Variants in RANBP17 observed in about 807,000 individuals in gnomAD.
The protein encoded by RANBP17 is ran-binding protein 17.
In RANBP17, 158 loss-of-function variants were observed where a neutral mutation model predicts 141.2. The ratio of observed to expected loss-of-function variants is 1.12; its 90% CI spans 0.98 to 1.28. The LOEUF (loss-of-function observed/expected upper bound fraction) is 1.28, where lower values mean the gene tolerates loss of function less well. Among genes scored for constraint, RANBP17 ranks in the 50% most tolerant of loss-of-function variants. The pLI is 0.00. For synonymous variants in RANBP17, 430 were observed against 450.0 expected (o/e 0.96, Z 0.56); for missense variants, 1,438 against 1,290.7 (o/e 1.11, Z -1.75).
At chr5:170,881,698 G>T in intron 2 of RANBP17, 108 bp from the exon 3 acceptor site, 4 of 736,570 alleles carry the variant, frequency 5.4e-6, no homozygotes, top group Non-Finnish European at 8.4e-6. Flanking sequence ...AAATTTGCCA[G>T]TTTGGAAAAC....
intron 1 of RANBP17, among the ~76,000 whole-genome samples, chr5:170,863,856 A>T (rs371005831): frequency 1.3e-4 from 19 of 150,818 alleles, no homozygotes; most frequent in African/African-American, 4.3e-4. Flanking sequence ...ACATTCCAAC[A>T]TAAGTACTTC....
chr5:171,003,012 T>C (rs1203494101), intron 14 of RANBP17, among the ~76,000 whole-genome samples: 1 of 151,910 alleles, frequency 6.6e-6, no homozygotes, highest in African/African-American at 2.4e-5. Flanking sequence ...GAAAATAGAT[T>C]TTGGAAGTTA....
chr5:170,923,381 C>T (rs887925107), intron 11 of RANBP17, among the ~76,000 whole-genome samples: 1 of 152,196 alleles, frequency 6.6e-6, no homozygotes, highest in African/African-American at 2.4e-5. Context: ...CACCAGTACC[C>T]TGTCTTGATT....
Position 170,955,648 on chromosome 5 carries a change from G to GTGTGTATA in RANBP17, c.1574+1947_1574+1948insGTGTATAT, listed in dbSNP as rs1242245418. Among the ~76,000 whole-genome samples the GTGTGTATA allele has an allele frequency of 3.7e-4, 8 of 21,762 alleles. 2 individuals carry two copies. Among genetic ancestry groups the GTGTGTATA allele is most frequent in the African/African-American group, 1.2e-3 (8 of 6,770 alleles). The allele number at this position is 21,762 out of a possible 152,430, so 14.3% of individuals were successfully genotyped here. On this transcript the variant is annotated intron_variant, in intron 13 of 27. Coordinates refer to ENST00000523189, the MANE Select transcript of RANBP17 (RefSeq NM_022897.5). ...ATATATATATATATATATGCTCAGT[G>GTGTGTATA]TATATATATATATATATATATATAT...
chr5:171,258,261 C>T (rs754523613), intron 24 of RANBP17, among the ~76,000 whole-genome samples: 5 of 151,924 alleles, frequency 3.3e-5, no homozygotes, highest in Non-Finnish European at 5.9e-5. Flanking sequence ...AATGGAAAAA[C>T]ATCCTATGCT....
intron 13 of RANBP17, among the ~76,000 whole-genome samples, chr5:170,955,190 A>C (rs1028765115): frequency 6.6e-6 from 1 of 152,118 alleles, no homozygotes; most frequent in Non-Finnish European, 1.5e-5. Flanking sequence ...GTTGGGGACC[A>C]CTGTGCTGAA....
intron 14 of RANBP17, among the ~76,000 whole-genome samples, chr5:171,073,040 G>A (rs914654251): frequency 6.6e-6 from 1 of 151,986 alleles, no homozygotes; most frequent in African/African-American, 2.4e-5. Context: ...CAGATAGGTG[G>A]TTACCAGGAG....
intron 14 of RANBP17, among the ~76,000 whole-genome samples, chr5:171,060,531 T>A (rs184730056): frequency 0.017 from 2,568 of 152,292 alleles, 64 homozygotes; most frequent in African/African-American, 0.058. Context: ...TCATGGTGGA[T>A]AAGCTTTTTG....
chr5:171,029,587 A>G (rs1781431302), intron 14 of RANBP17, among the ~76,000 whole-genome samples: 1 of 152,092 alleles, frequency 6.6e-6, no homozygotes, highest in African/African-American at 2.4e-5. Flanking sequence ...CCTGTTCTGT[A>G]TCCCACTTCT....
intron 14 of RANBP17, among the ~76,000 whole-genome samples, chr5:171,035,959 TC>T (rs1327806629): frequency 1.2e-4 from 18 of 152,166 alleles, no homozygotes; most frequent in African/African-American, 4.3e-4. Context: ...AGTGTTGTGA[TC>T]TCAGCTTACT....
intron 11 of RANBP17, among the ~76,000 whole-genome samples, chr5:170,920,677 C>T (rs1174541400): frequency 1.3e-5 from 2 of 151,974 alleles, no homozygotes; most frequent in African/African-American, 4.8e-5. Flanking sequence ...GCCACGTTGT[C>T]TTCTACAATG....
At chr5:170,983,586 A>C (rs529999614) in intron 14 of RANBP17, among the ~76,000 whole-genome samples, 1 of 152,330 alleles carries the variant, frequency 6.6e-6, no homozygotes, top group South Asian at 2.1e-4. Context: ...GAAAATAGTA[A>C]AAGAAATAGC....
chr5:170,907,127 G>T (rs1000849986), intron 5 of RANBP17, among the ~76,000 whole-genome samples: 1 of 151,848 alleles, frequency 6.6e-6, no homozygotes, highest in African/African-American at 2.4e-5. Flanking sequence ...TGTCTCTTAA[G>T]AAAAAGAACT....
intron 3 of RANBP17, among the ~76,000 whole-genome samples, chr5:170,887,174 G>A (rs1769235104): frequency 6.6e-6 from 1 of 152,110 alleles, no homozygotes; most frequent in Non-Finnish European, 1.5e-5. Context: ...AGTTCTTTGT[G>A]CAGTTTGGAA....
intron 14 of RANBP17, among the ~76,000 whole-genome samples, chr5:171,137,913 A>G (rs1757423965): frequency 6.7e-6 from 1 of 149,834 alleles, no homozygotes; most frequent in African/African-American, 2.4e-5. Flanking sequence ...AAGTAAATAT[A>G]TATCTACTCT....
intron 14 of RANBP17, among the ~76,000 whole-genome samples, chr5:171,130,843 A>G (rs1486802850): frequency 1.3e-5 from 2 of 152,212 alleles, no homozygotes; most frequent in Non-Finnish European, 2.9e-5. Flanking sequence ...TATGTTGTGA[A>G]GATGAAAAGC....
chr5:170,965,245 G>T (rs1327728786), intron 13 of RANBP17, among the ~76,000 whole-genome samples: 2 of 147,482 alleles, frequency 1.4e-5, no homozygotes, highest in African/African-American at 5.0e-5. Flanking sequence ...TGATGGGGTT[G>T]TTTTTTTTTT....
intron 16 of RANBP17, among the ~76,000 whole-genome samples, chr5:171,180,987 C>T (rs565589487): frequency 3.3e-5 from 5 of 152,246 alleles, no homozygotes; most frequent in East Asian, 1.9e-4. Context: ...CTTTTAACTT[C>T]GCAATTTTAA....
At chr5:171,105,274 T>TGC (rs1754725432) in intron 14 of RANBP17, among the ~76,000 whole-genome samples, 1 of 139,424 alleles carries the variant, frequency 7.2e-6, no homozygotes, top group African/African-American at 2.7e-5. Flanking sequence ...CCCAGCTACT[T>TGC]GGGAGGCTGA....
Sources: gnomAD v4.1 joint callset for allele counts (sites outside exome capture counted in the v4.1 genomes callset) on GRCh38, gnomAD v4.1.1 for gene constraint, MANE v1.5 for transcripts, NCBI Gene and HGNC (gene_info 2026-07-23, HGNC 2026-07-21) for gene names.